TEC: variants seen among roughly 807,000 people sequenced by gnomAD.
TEC encodes tyrosine-protein kinase Tec.
Under a neutral mutation model 93.0 loss-of-function variants are expected in TEC, and 72 were observed. The ratio of observed to expected loss-of-function variants is 0.77; its 90% CI spans 0.64 to 0.94. The LOEUF is 0.94. Ranked by LOEUF, TEC falls within the 40% of genes least tolerant of loss-of-function variation. TEC has a pLI of 0.00. For missense variants in TEC, 630 were observed against 757.9 expected, an observed-to-expected ratio of 0.83 and a Z score of 1.98; for synonymous variants, 249 against 247.7, an observed-to-expected ratio of 1.01 and a Z score of -0.05.
intron 1 of TEC, among the ~76,000 whole-genome samples, chr4:48,234,569 C>T (rs1211540286): frequency 6.6e-6 from 1 of 151,954 alleles, no homozygotes; most frequent in African/African-American, 2.4e-5. Flanking sequence ...TAAAATTTAG[C>T]CAATTTTAAA....
intron 2 of TEC, among the ~76,000 whole-genome samples, chr4:48,217,919 C>A (rs1723132247): frequency 6.6e-6 from 1 of 151,028 alleles, no homozygotes. Context: ...TGTTAGTATC[C>A]CCCTATTCTG....
At chr4:48,238,166 C>T (rs985148194) in intron 1 of TEC, among the ~76,000 whole-genome samples, 1 of 152,158 alleles carries the variant, frequency 6.6e-6, no homozygotes, top group Admixed American at 6.5e-5. Flanking sequence ...CCCCATTTAA[C>T]GTCATGAATT....
At chr4:48,236,574 GC>G (rs2109650492) in intron 1 of TEC, among the ~76,000 whole-genome samples, 1 of 152,264 alleles carries the variant, frequency 6.6e-6, no homozygotes, top group East Asian at 1.9e-4. Context: ...GAGCCACCGC[GC>G]CGGGCCACAA....
At chr4:48,188,190 G>C (rs1296687696) in intron 2 of TEC, among the ~76,000 whole-genome samples, 3 of 152,196 alleles carry the variant, frequency 2.0e-5, no homozygotes, top group Admixed American at 6.5e-5. Flanking sequence ...GCCATTAAAT[G>C]GAAGAGGTCT....
chr4:48,152,729 C>A (rs1012327230), intron 9 of TEC, among the ~76,000 whole-genome samples: 3 of 152,108 alleles, frequency 2.0e-5, no homozygotes, highest in Admixed American at 6.6e-5. Context: ...CCTACATCTG[C>A]CTCTCACTGT....
intron 1 of TEC, among the ~76,000 whole-genome samples, chr4:48,254,055 T>G (rs1724277020): frequency 6.6e-6 from 1 of 152,236 alleles, no homozygotes; most frequent in African/African-American, 2.4e-5. Context: ...TTCAAGGTCC[T>G]GATCATACGT....
At chr4:48,208,891 G>C (rs1202556100) in intron 2 of TEC, among the ~76,000 whole-genome samples, 1 of 152,148 alleles carries the variant, frequency 6.6e-6, no homozygotes, top group Non-Finnish European at 1.5e-5. Flanking sequence ...AAAGAATTGG[G>C]GGTGGTGGCT....
chr4:48,242,380 G>GT (rs1169411063), intron 1 of TEC, among the ~76,000 whole-genome samples: 13 of 152,174 alleles, frequency 8.5e-5, no homozygotes, highest in Non-Finnish European at 1.9e-4. Context: ...TGGGTATTCG[G>GT]TAAGTATTTA....
At position 48,145,584 on chromosome 4, in the gene TEC, A is replaced by G. The variant is rs1176803486; in HGVS notation, c.1082-5T>C. On this transcript the variant is annotated splice_region_variant and splice_polypyrimidine_tract_variant and intron_variant, in intron 12 of 17. Coordinates refer to ENST00000381501, the MANE Select transcript of TEC (RefSeq NM_003215.3). ...AAGGGTTAATCTCCCATTTCTCTGC[A>G]GGACAGAAAGTGAAAGTGTTCATAT... is the stretch of plus-strand genomic sequence containing the variant. 6.2e-7 allele frequency: 1 copy of G among 1,613,508 alleles called. No individual in the cohort carries two copies. Among genetic ancestry groups the G allele is most frequent in the Non-Finnish European group, 8.5e-7 (1 of 1,179,682 alleles).
At chr4:48,211,492 ATCCTTATATTGTACTACAATCAG>A (rs1252587714) in intron 2 of TEC, among the ~76,000 whole-genome samples, 1 of 152,216 alleles carries the variant, frequency 6.6e-6, no homozygotes, top group Non-Finnish European at 1.5e-5. Flanking sequence ...TTTACTATTT[ATCCTTATATTGTACTACAATCAG>A]TCCTAGTCAG....
intron 15 of TEC, among the ~76,000 whole-genome samples, chr4:48,140,830 A>G (rs1309567818): frequency 6.6e-6 from 1 of 152,132 alleles, no homozygotes; most frequent in South Asian, 2.1e-4. Flanking sequence ...TAACTTTATC[A>G]GGTCTTCTGA....
chr4:48,233,804 G>A (rs1372948928), intron 1 of TEC, among the ~76,000 whole-genome samples: 2 of 146,086 alleles, frequency 1.4e-5, no homozygotes, highest in African/African-American at 5.0e-5. Context: ...ACATAAAATT[G>A]AGAAACTCTC....
At chr4:48,222,428 G>A (rs1010381686) in intron 2 of TEC, among the ~76,000 whole-genome samples, 1 of 152,158 alleles carries the variant, frequency 6.6e-6, no homozygotes, top group Admixed American at 6.5e-5. Context: ...CTGGGGTTGG[G>A]AGCTGCAATA....
At chr4:48,201,952 A>ATTTTTT (rs780630248) in intron 2 of TEC, among the ~76,000 whole-genome samples, 88 of 116,526 alleles carry the variant, frequency 7.6e-4, no homozygotes, top group East Asian at 1.2e-3. Context: ...ACTGTGGCTT[A>ATTTTTT]TTTTTTTTTT....
At chr4:48,222,532 A>C (rs1173721057) in intron 2 of TEC, among the ~76,000 whole-genome samples, 1 of 151,798 alleles carries the variant, frequency 6.6e-6, no homozygotes, top group Non-Finnish European at 1.5e-5. Flanking sequence ...ATTGCTTCTG[A>C]GTGTGTCTGT....
chr4:48,156,574 G>T, intron 9 of TEC, 106 bp downstream of exon 9: 1 of 955,432 alleles, frequency 1.0e-6, no homozygotes. Context: ...GCATAGACTT[G>T]CTCACTGCTG....
chr4:48,264,280 A>G (rs1724575346), intron 1 of TEC, among the ~76,000 whole-genome samples: 2 of 152,226 alleles, frequency 1.3e-5, no homozygotes, highest in Admixed American at 6.5e-5. Flanking sequence ...CTTTTTAAAA[A>G]GCTGGATCCC....
At position 48,225,365 on chromosome 4, in the gene TEC, C is replaced by T. The variant is rs766225872; in HGVS notation, c.138+3112G>A. 3.3e-5 allele frequency among the ~76,000 whole-genome samples: 5 copies of T among 152,138 alleles called. No individual in the cohort carries two copies. The East Asian group carries it at 7.7e-4, about 24-fold the overall frequency. ...AATTTTTTTGTATGTTTAGTAGAGA[C>T]GGGGTTTCACCATGTTGGCCAGGCT... On this transcript the variant is annotated intron_variant, in intron 2 of 17. Transcript: ENST00000381501.
intron 1 of TEC, among the ~76,000 whole-genome samples, chr4:48,264,347 A>G (rs1353097571): frequency 6.6e-6 from 1 of 152,156 alleles, no homozygotes; most frequent in Non-Finnish European, 1.5e-5. Flanking sequence ...CTACCCCAGC[A>G]AAAAACCTGG....
Sources: gnomAD v4.1 joint callset for allele counts (sites outside exome capture counted in the v4.1 genomes callset) on GRCh38, gnomAD v4.1.1 for gene constraint, MANE v1.5 for transcripts, NCBI Gene and HGNC (gene_info 2026-07-23, HGNC 2026-07-21) for gene names.